Variants in DNAJC6 observed in about 807,000 individuals in gnomAD.
The protein encoded by DNAJC6 is auxilin.
Under a neutral mutation model 110.0 loss-of-function variants are expected in DNAJC6, and 34 were observed. That is an observed-to-expected ratio of 0.31 (90% confidence interval 0.24 to 0.41). The LOEUF is 0.41. Ranked by LOEUF, DNAJC6 falls within the 10% of genes least tolerant of loss-of-function variation. The probability of loss-of-function intolerance (pLI) is 1.00; values close to 1 mark genes in which losing one functional copy is unlikely to be tolerated. For synonymous variants in DNAJC6, 406 were observed against 437.2 expected (o/e 0.93, Z 0.89); for missense variants, 1,031 against 1,207.8 (o/e 0.85, Z 2.17).
intron 1 of DNAJC6, among the ~76,000 whole-genome samples, chr1:65,327,708 TATA>T (rs1174322533): frequency 1.3e-5 from 2 of 152,206 alleles, no homozygotes; most frequent in Non-Finnish European, 2.9e-5. Context: ...CATAATTATT[TATA>T]ATAGAAAAAC....
upstream of DNAJC6, among the ~76,000 whole-genome samples, chr1:65,307,442 G>T (rs991452268): frequency 3.9e-5 from 6 of 152,008 alleles, no homozygotes; most frequent in Non-Finnish European, 5.9e-5. Flanking sequence ...ATTTCTTTCA[G>T]CAATATGTCT....
At chr1:65,383,656 A>AC (rs1474410588) in intron 5 of DNAJC6, among the ~76,000 whole-genome samples, 1 of 152,152 alleles carries the variant, frequency 6.6e-6, no homozygotes, top group African/African-American at 2.4e-5. Flanking sequence ...ACCTCCTAAT[A>AC]CCATCACATT....
chr1:65,312,045 G>A (rs1039702692), intron 1 of DNAJC6, among the ~76,000 whole-genome samples: 1 of 152,188 alleles, frequency 6.6e-6, no homozygotes, highest in Non-Finnish European at 1.5e-5. Context: ...TTAATAGGTG[G>A]AGAGAAGAAT....
intron 1 of DNAJC6, among the ~76,000 whole-genome samples, chr1:65,292,316 C>T (rs1001583638): frequency 2.0e-5 from 3 of 146,402 alleles, no homozygotes; most frequent in African/African-American, 8.0e-5. Context: ...CCGCACCCGG[C>T]CTGGTTTTTT....
At position 65,392,840 on chromosome 1, in the gene DNAJC6, G is replaced by T. The variant is rs148619941; in HGVS notation, c.1878G>T (p.Ala626=). 1.5e-5 allele frequency: 23 copies of T among 1,536,694 alleles called. No individual in the cohort carries two copies. The highest frequency in any genetic ancestry group is 1.8e-5 in the Non-Finnish European group (21 of 1,143,842). ...GCCGCTCTGCCACCTCCACCTCTGC[G>T]TCTCCAACCCTAAGAGTGGGAGAAG... ...TPRRSATSTS[A]SPTLRVGEGA... The change falls in exon 12 of 19, where the codon GCG becomes GCT. Residue 626 remains alanine, a synonymous_variant. Transcript: ENST00000371069.
At chr1:65,381,781 T>C (rs1238603249) in intron 5 of DNAJC6, among the ~76,000 whole-genome samples, 1 of 152,198 alleles carries the variant, frequency 6.6e-6, no homozygotes, top group East Asian at 1.9e-4. Context: ...TTGAAGCATG[T>C]GGTATAATCT....
chr1:65,401,428 T>C (rs1313588625), intron 14 of DNAJC6, among the ~76,000 whole-genome samples: 2 of 152,220 alleles, frequency 1.3e-5, no homozygotes, highest in Admixed American at 1.3e-4. Flanking sequence ...ACTCAGGAAT[T>C]GGCAAAGCCA....
rs1301389649 is a variant in DNAJC6, at chr1:65,392,524, C to A, written c.1562C>A (p.Ser521Tyr). The A allele has an allele frequency of 6.2e-7, 1 of 1,614,066 alleles. No homozygotes were observed. The highest frequency in any genetic ancestry group is 1.7e-5 in the Admixed American group (1 of 60,016). ...TCAGATGATGAACTTCTGACACTTT[C>A]CAGTCCGCATGGCAATGCCAATGGT... ...EQSDDELLTL[S>Y]SPHGNANGDK... The change falls in exon 12 of 19, where the codon TCC becomes TAC. Residue 521 changes from serine (S) to tyrosine (Y), a missense_variant. Ser to Tyr is a moderately radical substitution (Grantham distance 144). Coordinates refer to ENST00000371069, the MANE Select transcript of DNAJC6 (RefSeq NM_001256864.2).
chr1:65,400,957 T>C (rs984782224), intron 14 of DNAJC6, among the ~76,000 whole-genome samples: 54 of 152,328 alleles, frequency 3.5e-4, no homozygotes, highest in Non-Finnish European at 3.8e-4. Flanking sequence ...AACTGTGTCC[T>C]TTTTTCTCTA....
chr1:65,393,005 T>A (rs932881662), intron 12 of DNAJC6, 140 bp downstream of exon 12: 2 of 772,370 alleles, frequency 2.6e-6, no homozygotes, highest in African/African-American at 3.6e-5. Context: ...GTATCTTTAT[T>A]TAAATTGAGA....
At chr1:65,347,531 A>G (rs550734608) in intron 1 of DNAJC6, among the ~76,000 whole-genome samples, 2 of 151,836 alleles carry the variant, frequency 1.3e-5, no homozygotes, top group South Asian at 4.1e-4. Flanking sequence ...TGTCTTCTAT[A>G]TTATAGATAT....
rs140048495 is a variant in DNAJC6 at position 65,338,134 on chromosome 1, T to C, written c.194-26501T>C. On this transcript the variant is annotated intron_variant, in intron 1 of 18. Coordinates refer to ENST00000371069, the MANE Select transcript of DNAJC6 (RefSeq NM_001256864.2). ...GGGTGCTCACTGCTCCTGAGCTGGT[T>C]TTTGTGTCTAGGCCTTCTCAGTGGA... Among the ~76,000 whole-genome samples, 294 of 152,284 alleles carry C rather than the reference T, an allele frequency of 1.9e-3. 3 individuals are homozygous for C. Among genetic ancestry groups the C allele is most frequent in the African/African-American group, 6.4e-3 (264 of 41,568 alleles).
At chr1:65,265,114 A>G (rs1252765078) in intron 1 of DNAJC6, among the ~76,000 whole-genome samples, 3 of 152,214 alleles carry the variant, frequency 2.0e-5, no homozygotes, top group African/African-American at 7.2e-5. Context: ...ACTAGCTTCT[A>G]GTTTCCAAAT....
chr1:65,376,792 C>T (rs1177454688), intron 4 of DNAJC6, among the ~76,000 whole-genome samples: 2 of 151,710 alleles, frequency 1.3e-5, no homozygotes, highest in South Asian at 2.1e-4. Context: ...TTTTTTGAGA[C>T]GAAGTCTTGC....
Position 65,392,701 on chromosome 1 carries a change from T to C in DNAJC6, c.1739T>C (p.Leu580Pro). 1 of 1,612,976 alleles carries C rather than the reference T, an allele frequency of 6.2e-7. No individual in the cohort carries two copies. The highest frequency in any genetic ancestry group is 8.5e-7 in the Non-Finnish European group (1 of 1,179,528). The change falls in exon 12 of 19, where the codon CTA (leucine) becomes CCA (proline). Residue 580 changes from leucine (L) to proline (P), a missense_variant. Leu to Pro is a moderately conservative substitution (Grantham distance 98). Transcript: ENST00000371069. ...GCGGCTCCTCCCACCAATTCTGAACTACTGAGTGACCTGTTTGGGGGTGGA... is the reference window on the plus strand; with the variant it reads ...GCGGCTCCTCCCACCAATTCTGAACCACTGAGTGACCTGTTTGGGGGTGGA... Reference protein sequence around the residue: ...PPAAPPTNSELLSDLFGGGGA... With the variant: ...PPAAPPTNSEPLSDLFGGGGA...
At chr1:65,306,322 C>T (rs1156552337), upstream of DNAJC6, 1 of 152,282 alleles carries the variant, frequency 6.6e-6, no homozygotes, top group African/African-American at 2.4e-5. Context: ...GCCAGGACCA[C>T]AGGTGTGAGC....
At chr1:65,282,514 T>C (rs535482694) in intron 1 of DNAJC6, among the ~76,000 whole-genome samples, 2 of 152,280 alleles carry the variant, frequency 1.3e-5, no homozygotes, top group East Asian at 1.9e-4. Flanking sequence ...CAGACTTTCA[T>C]TGGATAAAGG....
In DNAJC6 at chr1:65,265,059, A is replaced by G. The variant is rs569693629; in HGVS notation, c.-131+127A>G. On this transcript the variant is annotated intron_variant, in intron 1 of 19. Coordinates refer to the DNAJC6 transcript ENST00000263441. Reference sequence around the variant, plus strand: ...GCTAGTTTAAAATTACCATACCTATATTAACATTCTAGTTATATAATAAAC... The same window carrying G: ...GCTAGTTTAAAATTACCATACCTATGTTAACATTCTAGTTATATAATAAAC... The G allele has an allele frequency of 4.3e-4, 341 of 794,098 alleles. 2 individuals carry two copies. In the African/African-American group the frequency reaches 4.8e-3, roughly 11 times the overall value. 49.2% of individuals were successfully genotyped at this position (794,098 alleles called of 1,614,324 possible). A position where few individuals can be genotyped will look rare whatever the true frequency, so the allele number is the denominator to read the frequency against.
intron 1 of DNAJC6, among the ~76,000 whole-genome samples, chr1:65,346,163 G>A (rs1645434993): frequency 6.6e-6 from 1 of 152,106 alleles, no homozygotes; most frequent in African/African-American, 2.4e-5. Context: ...TTTTATGCCT[G>A]GCATGGCTTA....
Sources: allele counts gnomAD v4.1 joint callset (sites outside exome capture counted in the v4.1 genomes callset), GRCh38; gene constraint gnomAD v4.1.1; transcripts MANE v1.5; gene names NCBI Gene and HGNC (gene_info 2026-07-23, HGNC 2026-07-21).